Variants in SLC30A7 observed in about 807,000 individuals in gnomAD.
SLC30A7 encodes zinc transporter 7.
Under a neutral mutation model 46.0 loss-of-function variants are expected in SLC30A7, and 35 were observed. The observed-to-expected ratio is 0.76, with a 90% CI of 0.58 to 1.01. The LOEUF (loss-of-function observed/expected upper bound fraction) is 1.01. Ranked by LOEUF, SLC30A7 falls within the 50% of genes least tolerant of loss-of-function variation. The pLI is 0.00. For missense variants in SLC30A7, 464 were observed against 451.1 expected, an observed-to-expected ratio of 1.03 and a Z score of -0.26; for synonymous variants, 147 against 157.8, an observed-to-expected ratio of 0.93 and a Z score of 0.51.
Position 100,912,914 on chromosome 1 carries a change from T to C in SLC30A7, c.511+676T>C, listed in dbSNP as rs538941695. Among the ~76,000 whole-genome samples, 18 of 152,142 alleles carry C rather than the reference T, an allele frequency of 1.2e-4. No individual in the cohort carries two copies. In the South Asian group the frequency reaches 3.7e-3, roughly 32 times the overall value. ...AAGTGTGTGTGTTTATGAAATGTAC[T>C]ATGTAAATATGTCTTGGAGATCCTC... On this transcript the variant is annotated intron_variant, in intron 5 of 10. Coordinates refer to ENST00000357650, the MANE Select transcript of SLC30A7 (RefSeq NM_133496.5).
At position 100,915,193 on chromosome 1, in the gene SLC30A7, TTTTCTTTCTTTCTTTC is replaced by T. The variant is rs200989431; in HGVS notation, c.655+1434_655+1449del. Among the ~76,000 whole-genome samples, 228 of 90,840 alleles carry T rather than the reference TTTTCTTTCTTTCTTTC, an allele frequency of 2.5e-3. 2 individuals are homozygous for T. The highest frequency in any genetic ancestry group is 8.9e-3 in the East Asian group (29 of 3,270). 59.6% of individuals were successfully genotyped at this position (90,840 alleles called of 152,430 possible). ...TTTCTTTTTTCTTTTCTTTTCTTTCTTTTCTTTCTTTCTTTCTTTCTTTCTTTCTTTCTTTCTTTCT... is the reference window on the plus strand; with the variant it reads ...TTTCTTTTTTCTTTTCTTTTCTTTCTTTTCTTTCTTTCTTTCTTTCTTTCT... On this transcript the variant is annotated intron_variant, in intron 6 of 10. Coordinates refer to ENST00000357650, the MANE Select transcript of SLC30A7 (RefSeq NM_133496.5).
intron 7 of SLC30A7, among the ~76,000 whole-genome samples, chr1:100,920,697 G>A (rs999451463): frequency 3.9e-5 from 6 of 151,990 alleles, no homozygotes; most frequent in African/African-American, 1.4e-4. Context: ...GAGTTTGTTT[G>A]TATTTATATA....
At chr1:100,913,603 T>C in intron 5 of SLC30A7, 60 bp from the exon 6 acceptor site, 2 of 1,258,400 alleles carry the variant, frequency 1.6e-6, no homozygotes, top group Non-Finnish European at 2.3e-6. Flanking sequence ...GTCAGTATAA[T>C]TGTAACCATT....
chr1:100,899,103 A>G (rs150580806), intron 2 of SLC30A7, among the ~76,000 whole-genome samples: 54 of 152,336 alleles, frequency 3.5e-4, no homozygotes, highest in African/African-American at 1.2e-3. Context: ...CAGTGGAACA[A>G]TAGGTAGTTG....
At chr1:100,931,868 C>A (rs1653683256) in intron 8 of SLC30A7, among the ~76,000 whole-genome samples, 1 of 152,040 alleles carries the variant, frequency 6.6e-6, no homozygotes, top group South Asian at 2.1e-4. Context: ...TTTTCCTTTA[C>A]CCTAAAGCCA....
chr1:100,994,942 A>G, the SLC30A7 span, among the ~76,000 whole-genome samples: 4 of 152,110 alleles, frequency 2.6e-5, no homozygotes, highest in Non-Finnish European at 5.9e-5. Context: ...TGCTATTTCT[A>G]CTCTATTATA....
At chr1:100,922,213 G>T (rs1652981457) in intron 8 of SLC30A7, among the ~76,000 whole-genome samples, 2 of 152,058 alleles carry the variant, frequency 1.3e-5, no homozygotes, top group Non-Finnish European at 2.9e-5. Context: ...TGATCCACCT[G>T]CCTCAGCCTC....
chr1:100,951,431 C>T (rs1654945330), intron 8 of SLC30A7, among the ~76,000 whole-genome samples: 1 of 152,080 alleles, frequency 6.6e-6, no homozygotes, highest in Non-Finnish European at 1.5e-5. Flanking sequence ...AAAGAAGATC[C>T]ACAAATTATA....
intron 8 of SLC30A7, among the ~76,000 whole-genome samples, chr1:100,925,819 A>G (rs1653260876): frequency 6.6e-6 from 1 of 152,186 alleles, no homozygotes; most frequent in Non-Finnish European, 1.5e-5. Context: ...AAGAGTGTAC[A>G]AATAGGCATT....
intron 2 of SLC30A7, among the ~76,000 whole-genome samples, chr1:100,899,842 C>T (rs1338739651): frequency 6.7e-6 from 1 of 150,054 alleles, no homozygotes; most frequent in East Asian, 1.9e-4. Flanking sequence ...TTAAGATTTA[C>T]CTGGATGCTA....
At chr1:100,988,435 C>G in the SLC30A7 span, among the ~76,000 whole-genome samples, 1 of 152,268 alleles carries the variant, frequency 6.6e-6, no homozygotes, top group Non-Finnish European at 1.5e-5. Context: ...ACACCATTAC[C>G]AAAACCAGAA....
intron 8 of SLC30A7, among the ~76,000 whole-genome samples, chr1:100,945,463 A>G (rs1369767818): frequency 2.0e-5 from 3 of 152,188 alleles, no homozygotes; most frequent in South Asian, 4.1e-4. Flanking sequence ...TAATTTTTGT[A>G]TAAGGTGTAA....
chr1:100,950,101 C>T (rs6577218), intron 8 of SLC30A7, among the ~76,000 whole-genome samples: 3,490 of 152,296 alleles, frequency 0.023, 119 homozygotes, highest in African/African-American at 0.075. Context: ...GCGTCGATCA[C>T]GCTGGGAGCT....
At chr1:100,921,202 A>AT (rs1652911017) in intron 7 of SLC30A7, among the ~76,000 whole-genome samples, 1 of 152,084 alleles carries the variant, frequency 6.6e-6, no homozygotes, top group African/African-American at 2.4e-5. Flanking sequence ...AGCTTTTAGG[A>AT]TAATTAATAA....
chr1:100,958,423 G>T (rs943468919), intron 8 of SLC30A7, among the ~76,000 whole-genome samples: 2 of 152,106 alleles, frequency 1.3e-5, no homozygotes, highest in African/African-American at 4.8e-5. Context: ...TGATCCACCC[G>T]CCTTGGCCTC....
At chr1:100,960,738 C>T (rs1339903965) in intron 8 of SLC30A7, among the ~76,000 whole-genome samples, 2 of 152,072 alleles carry the variant, frequency 1.3e-5, no homozygotes, top group African/African-American at 2.4e-5. Context: ...CCTCCCCTCT[C>T]AATCTACTTC....
At chr1:100,911,338 T>C (rs1294191664) in intron 4 of SLC30A7, among the ~76,000 whole-genome samples, 188 bp downstream of exon 4, 1 of 152,154 alleles carries the variant, frequency 6.6e-6, no homozygotes, top group African/African-American at 2.4e-5. Context: ...CTTCTTGGAA[T>C]TGAAAACAAT....
chr1:100,931,404 C>G (rs1216201765), intron 8 of SLC30A7, among the ~76,000 whole-genome samples: 2 of 152,136 alleles, frequency 1.3e-5, no homozygotes, highest in Non-Finnish European at 2.9e-5. Context: ...CCTTAACTGT[C>G]AATGCCTCCA....
the SLC30A7 span, among the ~76,000 whole-genome samples, chr1:100,994,624 T>G: frequency 6.6e-6 from 1 of 151,872 alleles, no homozygotes; most frequent in South Asian, 2.1e-4. Flanking sequence ...CCTCCCAGAT[T>G]CAAGCGATTC....
Sources: gnomAD v4.1 joint callset for allele counts (sites outside exome capture counted in the v4.1 genomes callset) on GRCh38, gnomAD v4.1.1 for gene constraint, MANE v1.5 for transcripts, NCBI Gene and HGNC (gene_info 2026-07-23, HGNC 2026-07-21) for gene names.